The following GABRG3 variants were observed in gnomAD, a reference collection of about 807,000 sequenced individuals.
GABRG3 encodes gamma-aminobutyric acid type A receptor subunit gamma3.
GABRG3 carries 25 observed loss-of-function variants against 48.8 expected under a neutral mutation model. The ratio of observed to expected loss-of-function variants is 0.51; its 90% CI spans 0.37 to 0.72. GABRG3 has a LOEUF of 0.72. Among genes scored for constraint, GABRG3 ranks in the 30% least tolerant of loss-of-function variants. GABRG3 has a pLI of 0.00. For synonymous variants in GABRG3, 227 were observed against 217.6 expected (o/e 1.04, Z -0.38); for missense variants, 394 against 577.9 (o/e 0.68, Z 3.26).
intron 3 of GABRG3, among the ~76,000 whole-genome samples, chr15:27,213,805 A>G (rs1255628349): frequency 6.6e-6 from 1 of 152,210 alleles, no homozygotes; most frequent in African/African-American, 2.4e-5. Context: ...ACTGGCCTTC[A>G]AACTCCACTG....
chr15:27,415,510 A>G (rs1327695297), intron 5 of GABRG3, among the ~76,000 whole-genome samples: 1 of 151,446 alleles, frequency 6.6e-6, no homozygotes, highest in African/African-American at 2.4e-5. Context: ...TAAGAATGAT[A>G]TGATGGACTC....
At position 27,425,448 on chromosome 15, in the gene GABRG3, C is replaced by CAAAA. The variant is rs57986546; in HGVS notation, c.575-55187_575-55184dup. Reference sequence around the variant, plus strand: ...TGAAACCGTGTCTCTACTAAAAATACAAAAAAAAAAAAAAAAAATAGGCGT... The same window carrying CAAAA: ...TGAAACCGTGTCTCTACTAAAAATACAAAAAAAAAAAAAAAAAAAAAATAGGCGT... On this transcript the variant is annotated intron_variant, in intron 5 of 9. Transcript: ENST00000615808. Among the ~76,000 whole-genome samples the CAAAA allele has an allele frequency of 2.4e-3, 188 of 77,866 alleles. 1 individual carries two copies. The highest frequency in any genetic ancestry group is 6.9e-3 in the African/African-American group (171 of 24,874). 51.1% of individuals were successfully genotyped at this position (77,866 alleles called of 152,430 possible). A position where few individuals can be genotyped will look rare whatever the true frequency, so the allele number is the denominator to read the frequency against.
intron 3 of GABRG3, among the ~76,000 whole-genome samples, chr15:27,149,910 C>T (rs539791324): frequency 6.6e-6 from 1 of 152,292 alleles, no homozygotes; most frequent in East Asian, 1.9e-4. Context: ...GTTTTAAGCA[C>T]TTGGTTTAGA....
chr15:27,324,942 C>T (rs188626068), intron 3 of GABRG3, among the ~76,000 whole-genome samples: 49 of 124,774 alleles, frequency 3.9e-4, no homozygotes, highest in African/African-American at 1.9e-3. Flanking sequence ...GGGTGGCAGC[C>T]TAATCCATTT....
chr15:27,370,804 C>G (rs920729647), intron 5 of GABRG3, among the ~76,000 whole-genome samples: 1 of 152,194 alleles, frequency 6.6e-6, no homozygotes, highest in Non-Finnish European at 1.5e-5. Context: ...TAGAAAATAT[C>G]TGGGTTTCCC....
At chr15:27,531,033 A>T (rs575274159) in intron 9 of GABRG3, 41 of 258,478 alleles carry the variant, frequency 1.6e-4, no homozygotes, top group African/African-American at 6.6e-4. Context: ...GACAAAGAAC[A>T]TTAACCTAGA....
intron 3 of GABRG3, among the ~76,000 whole-genome samples, chr15:27,233,760 A>G (rs1465463140): frequency 2.0e-5 from 3 of 152,186 alleles, no homozygotes; most frequent in African/African-American, 4.8e-5. Flanking sequence ...AAGATACCAG[A>G]CGCCTGTACA....
At chr15:27,266,321 C>T (rs72702066) in intron 3 of GABRG3, among the ~76,000 whole-genome samples, 1 of 151,624 alleles carries the variant, frequency 6.6e-6, no homozygotes, top group Non-Finnish European at 1.5e-5. Flanking sequence ...TCTTTCAGTA[C>T]TTTATGCTGA....
At chr15:26,979,224 TTTTG>T (rs1156493029) in intron 2 of GABRG3, among the ~76,000 whole-genome samples, 2 of 152,202 alleles carry the variant, frequency 1.3e-5, no homozygotes, top group South Asian at 2.1e-4. Flanking sequence ...TTGGGACTTT[TTTTG>T]TTTGTTTGTT....
intron 5 of GABRG3, among the ~76,000 whole-genome samples, chr15:27,388,036 GA>G (rs1305178503): frequency 1.7e-5 from 2 of 116,344 alleles, no homozygotes; most frequent in African/African-American, 3.4e-5. Context: ...GGGAGGAAAG[GA>G]AGGAAGGAAG....
At chr15:27,223,290 G>A (rs1889507716) in intron 3 of GABRG3, among the ~76,000 whole-genome samples, 1 of 152,142 alleles carries the variant, frequency 6.6e-6, no homozygotes, top group South Asian at 2.1e-4. Context: ...AAAGGCCAGG[G>A]ACTCTGTCTA....
chr15:27,500,447 G>C (rs1181853025), intron 6 of GABRG3, among the ~76,000 whole-genome samples: 2 of 152,186 alleles, frequency 1.3e-5, no homozygotes, highest in African/African-American at 2.4e-5. Context: ...GCCATGCACT[G>C]GGGAGCTGCA....
chr15:27,252,251 T>G (rs1231389153), intron 3 of GABRG3, among the ~76,000 whole-genome samples: 1 of 152,172 alleles, frequency 6.6e-6, no homozygotes, highest in Non-Finnish European at 1.5e-5. Context: ...TGTGTCCCTC[T>G]GTGTCCATGA....
chr15:27,237,486 C>A (rs760138663), intron 3 of GABRG3, among the ~76,000 whole-genome samples: 1 of 152,138 alleles, frequency 6.6e-6, no homozygotes, highest in South Asian at 2.1e-4. Flanking sequence ...AGCCGGCAGT[C>A]GCCAACAGCC....
chr15:27,353,426 C>CTATTTATTTATTTATT (rs59969384), intron 5 of GABRG3, among the ~76,000 whole-genome samples: 5,456 of 146,058 alleles, frequency 0.037, 109 homozygotes, highest in Middle Eastern at 0.06. Flanking sequence ...TTCTTTCTTT[C>CTATTTATTTATTTATT]TATTTATTTA....
chr15:27,142,248 C>T (rs1898117525), intron 3 of GABRG3, among the ~76,000 whole-genome samples: 1 of 152,104 alleles, frequency 6.6e-6, no homozygotes, highest in South Asian at 2.1e-4. Context: ...ATGTATTAGT[C>T]CGTTTTCACG....
Position 27,180,673 on chromosome 15 carries a change from G to A in GABRG3, c.271-146136G>A, listed in dbSNP as rs189049205. 1.8e-3 allele frequency among the ~76,000 whole-genome samples: 278 copies of A among 152,196 alleles called. 2 individuals carry two copies. Among genetic ancestry groups the A allele is most frequent in the African/African-American group, 7.5e-4 (31 of 41,542 alleles). ...TGTGTGTGTTTGTGTGTGCACGCGC[G>A]CGCACCCCAGGTCAGTTCTAGCAAT... On this transcript the variant is annotated intron_variant, in intron 3 of 9. Transcript: ENST00000615808. This position sits in a 1 kb window ranked among gnomAD's most constrained non-coding sequence, Gnocchi z 4.2.
At chr15:27,377,953 G>A (rs902502049) in intron 5 of GABRG3, among the ~76,000 whole-genome samples, 3 of 152,202 alleles carry the variant, frequency 2.0e-5, no homozygotes, top group Non-Finnish European at 4.4e-5. Flanking sequence ...CAGATAGCAA[G>A]TGAGTGATCA....
intron 3 of GABRG3, among the ~76,000 whole-genome samples, chr15:27,114,567 C>T (rs1255690569): frequency 6.6e-6 from 1 of 152,166 alleles, no homozygotes; most frequent in Non-Finnish European, 1.5e-5. Flanking sequence ...GTGCGCTTTG[C>T]TGTATTCTCC....
Sources: gnomAD v4.1 joint callset for allele counts (sites outside exome capture counted in the v4.1 genomes callset) on GRCh38, gnomAD v4.1.1 for gene constraint, Gnocchi (gnomAD v3.1) non-coding constraint, MANE v1.5 for transcripts, NCBI Gene and HGNC (gene_info 2026-07-23, HGNC 2026-07-21) for gene names.